Variants in CENPI observed in about 807,000 individuals in gnomAD.
The protein encoded by CENPI is FSH primary response 1.
A neutral mutation model predicts 60.4 loss-of-function variants in CENPI; 4 were observed. That is an observed-to-expected ratio of 0.07 (90% CI 0.03 to 0.15). CENPI has a LOEUF of 0.15. Among genes scored for constraint, CENPI ranks in the 10% least tolerant of loss-of-function variants. CENPI has a pLI of 1.00. For missense variants in CENPI, 444 were observed against 534.5 expected (o/e 0.83, Z 1.67); for synonymous variants, 157 against 189.4 (o/e 0.83, Z 1.40).
chrX:101,148,518 G>A (rs1368430172), intron 20 of CENPI, among the ~76,000 whole-genome samples: 2 of 112,077 alleles, frequency 1.8e-5, no homozygotes, highest in Admixed American at 9.6e-5. Context: ...AGATGTGGAA[G>A]CTCTCATAAA....
chrX:101,162,274 A>G (rs1485347718), intron 21 of CENPI, among the ~76,000 whole-genome samples: 2 of 107,558 alleles, frequency 1.9e-5, no homozygotes, highest in Non-Finnish European at 3.8e-5. Context: ...GCAACATAGC[A>G]AGACCATGCC....
At chrX:101,102,766 G>A (rs1247688173) in intron 4 of CENPI, among the ~76,000 whole-genome samples, 1 of 107,373 alleles carries the variant, frequency 9.3e-6, no homozygotes, top group African/African-American at 3.4e-5. Context: ...TGCTACCTCT[G>A]CCTCTCGGGT....
rs1436315383 is a variant in CENPI at position 101,128,747 on chromosome X, A to G, written c.1106A>G (p.Asn369Ser). ...TCTCAGATGGGCTCAGTGCTAAACA[A>G]CTCTCTGCTGCTTCACTACATTAAC... ...LPSQMGSVLNNSLLLHYINCV... is the reference protein window; with the variant it reads ...LPSQMGSVLNSSLLLHYINCV... Residue 369 changes from asparagine (N) to serine (S), a missense_variant, in exon 12 of 22, where the codon AAC becomes AGC. Transcript: ENST00000682095. The G allele has an allele frequency of 5.0e-6, 6 of 1,206,097 alleles. No individual in the cohort carries two copies. The highest frequency in any genetic ancestry group is 6.7e-6 in the Non-Finnish European group (6 of 892,506).
Position 101,134,879 on chromosome X carries a change from C to T in CENPI, c.1470+2423C>T, listed in dbSNP as rs145728328. 2.7e-5 allele frequency among the ~76,000 whole-genome samples: 3 copies of T among 110,136 alleles called. No homozygotes were observed. In the East Asian group the frequency reaches 8.5e-4, roughly 31 times the overall value. On this transcript the variant is annotated intron_variant, in intron 15 of 21. Coordinates refer to ENST00000682095, the MANE Select transcript of CENPI (RefSeq NM_001386188.2). ...TCTCTACTAAAAATACAAAAATTAGCCGGGCGTGCCCATAATTCCAACTAC... is the reference window on the plus strand; with the variant it reads ...TCTCTACTAAAAATACAAAAATTAGTCGGGCGTGCCCATAATTCCAACTAC...
At chrX:101,155,090 C>G (rs2090041055) in intron 20 of CENPI, among the ~76,000 whole-genome samples, 1 of 110,677 alleles carries the variant, frequency 9.0e-6, no homozygotes, top group Non-Finnish European at 1.9e-5. Context: ...ACCTCAGGTA[C>G]TATGTCAAAA....
At chrX:101,139,984 G>A (rs759053871) in intron 15 of CENPI, among the ~76,000 whole-genome samples, 183 of 109,956 alleles carry the variant, frequency 1.7e-3, no homozygotes, top group Non-Finnish European at 2.7e-3. Context: ...ACAGGCGCCC[G>A]CCACCACGCC....
intron 20 of CENPI, among the ~76,000 whole-genome samples, chrX:101,148,815 A>G (rs144534502): frequency 0.012 from 1,307 of 111,394 alleles, 7 homozygotes; most frequent in Middle Eastern, 0.084. Flanking sequence ...CCCTTAACAG[A>G]CGGGAACATT....
intron 9 of CENPI, 130 bp downstream of exon 9, chrX:101,126,928 G>T: frequency 1.4e-6 from 1 of 692,155 alleles, no homozygotes; most frequent in Non-Finnish European, 2.1e-6. Flanking sequence ...GTACTGTTTT[G>T]GGAAAGTTTT....
Position 101,163,038 on chromosome X carries a change from T to A in CENPI, c.*71T>A. The A allele has an allele frequency of 9.4e-6, 10 of 1,060,325 alleles. No homozygotes were observed. In the South Asian group the frequency reaches 2.0e-4, roughly 21 times the overall value. The allele number at this position is 1,060,325 out of a possible 1,213,427, so 87.4% of individuals were successfully genotyped here. A position where few individuals can be genotyped will look rare whatever the true frequency, so the allele number is the denominator to read the frequency against. On this transcript the variant is annotated 3_prime_UTR_variant, in exon 22 of 22. Transcript: ENST00000682095. ...CATTGCTAGAGCAAAGTGGCTCATC[T>A]TGAGTTCCCATTTTCATTTCACTGA... is the stretch of plus-strand genomic sequence containing the variant.
In CENPI at chrX:101,126,553, C is replaced by G. The variant is rs182213548; in HGVS notation, c.688-156C>G. Among the ~76,000 whole-genome samples, 633 of 112,163 alleles carry G rather than the reference C, an allele frequency of 5.6e-3. 6 individuals are homozygous for G. Among genetic ancestry groups the G allele is most frequent in the African/African-American group, 0.017 (516 of 30,946 alleles). ...GTTTTATGGTGGTTGACTTAAATGT[C>G]TGGTTACTCATTCCTTGATTTTTGA... On this transcript the variant is annotated intron_variant, in intron 8 of 21. Coordinates refer to ENST00000682095, the MANE Select transcript of CENPI (RefSeq NM_001386188.2).
At chrX:101,177,787 G>A in the CENPI span, among the ~76,000 whole-genome samples, 2 of 112,185 alleles carry the variant, frequency 1.8e-5, no homozygotes, top group Middle Eastern at 4.6e-3. Context: ...GATCCTTGCC[G>A]ATGCCTTCCC....
chrX:101,131,321 G>A (rs190228455), intron 13 of CENPI, among the ~76,000 whole-genome samples: 1 of 111,770 alleles, frequency 8.9e-6, no homozygotes, highest in African/African-American at 3.2e-5. Flanking sequence ...CAAGTTTTAG[G>A]GATTTGGTGT....
At chrX:101,169,695 G>A (rs753885430), downstream of CENPI, among the ~76,000 whole-genome samples, 15 of 111,749 alleles carry the variant, frequency 1.3e-4, no homozygotes, top group Non-Finnish European at 2.8e-4. Flanking sequence ...CCAGAAGAAA[G>A]CATTGTTATC....
intron 13 of CENPI, among the ~76,000 whole-genome samples, chrX:101,131,602 T>G (rs777202322): frequency 2.8e-4 from 31 of 111,440 alleles, no homozygotes; most frequent in African/African-American, 1.0e-3. Flanking sequence ...ATGTTAAAAG[T>G]GGTTTTAGCT....
At chrX:101,113,387 G>T (rs1020613149) in intron 6 of CENPI, among the ~76,000 whole-genome samples, 5 of 106,952 alleles carry the variant, frequency 4.7e-5, no homozygotes, top group African/African-American at 1.7e-4. Flanking sequence ...GAGTACAATG[G>T]TGTGATCTTG....
chrX:101,143,525 AT>A (rs935089847), intron 16 of CENPI, among the ~76,000 whole-genome samples: 42 of 112,271 alleles, frequency 3.7e-4, no homozygotes, highest in Middle Eastern at 4.6e-3. Context: ...TGAAAAAAAA[AT>A]ATACATATAT....
intron 5 of CENPI, 124 bp downstream of exon 5, chrX:101,109,715 A>G: frequency 1.7e-6 from 1 of 577,467 alleles, no homozygotes; most frequent in South Asian, 2.8e-5. Flanking sequence ...GGAACAATAT[A>G]TCTTGATGCA....
At chrX:101,107,782 C>T (rs893687116) in intron 4 of CENPI, among the ~76,000 whole-genome samples, 24 of 110,312 alleles carry the variant, frequency 2.2e-4, no homozygotes, top group African/African-American at 7.9e-4. Flanking sequence ...GATTCTCCTG[C>T]CTCAGCCTCC....
At chrX:101,141,979 G>C (rs1376647224) in intron 16 of CENPI, among the ~76,000 whole-genome samples, 1 of 111,243 alleles carries the variant, frequency 9.0e-6, no homozygotes, top group East Asian at 2.8e-4. Context: ...CTATCCTCCT[G>C]CCTTGACCTT....
Sources: gnomAD v4.1 joint callset for allele counts (sites outside exome capture counted in the v4.1 genomes callset) on GRCh38, gnomAD v4.1.1 for gene constraint, MANE v1.5 for transcripts, NCBI Gene and HGNC (gene_info 2026-07-23, HGNC 2026-07-21) for gene names.